Variants in PPP2CA observed in about 807,000 individuals in gnomAD.
PPP2CA encodes the protein serine/threonine-protein phosphatase 2A catalytic subunit alpha isoform.
Under a neutral mutation model 38.8 loss-of-function variants are expected in PPP2CA, and 5 were observed. That is an observed-to-expected ratio of 0.13 (90% CI 0.07 to 0.27). PPP2CA has a LOEUF of 0.27. Among genes scored for constraint, PPP2CA ranks in the 10% least tolerant of loss-of-function variants. PPP2CA has a pLI of 1.00. For missense variants in PPP2CA, 88 were observed against 389.7 expected, an observed-to-expected ratio of 0.23 and a Z score of 6.52; for synonymous variants, 152 against 134.0, an observed-to-expected ratio of 1.13 and a Z score of -0.93.
At chr5:134,217,100 C>G (rs1762337471) in intron 1 of PPP2CA, among the ~76,000 whole-genome samples, 1 of 152,078 alleles carries the variant, frequency 6.6e-6, no homozygotes, top group African/African-American at 2.4e-5. Context: ...CTGACCAACA[C>G]AGAGAAACCT....
intron 1 of PPP2CA, 48 bp downstream of exon 1, chr5:134,225,712 G>A (rs1050537306): frequency 6.4e-7 from 1 of 1,559,116 alleles, no homozygotes; most frequent in Non-Finnish European, 8.7e-7. Context: ...CCTTTTCCTC[G>A]GCGGGCTCGG....
chr5:134,210,566 G>A (rs558799251), intron 1 of PPP2CA, among the ~76,000 whole-genome samples: 36 of 152,244 alleles, frequency 2.4e-4, no homozygotes, highest in Admixed American at 2.0e-3. Flanking sequence ...AATTAGGGCC[G>A]AGCACAGTGG....
At chr5:134,212,821 G>A (rs1042677556) in intron 1 of PPP2CA, among the ~76,000 whole-genome samples, 1 of 152,152 alleles carries the variant, frequency 6.6e-6, no homozygotes, top group East Asian at 1.9e-4. Flanking sequence ...TAGTGGTCTG[G>A]ATAGATCAAA....
intron 1 of PPP2CA, among the ~76,000 whole-genome samples, chr5:134,209,200 C>T (rs1265240376): frequency 6.6e-6 from 1 of 151,970 alleles, no homozygotes; most frequent in Non-Finnish European, 1.5e-5. Context: ...CCAAACTTCA[C>T]AGACCAGAAC....
intron 2 of PPP2CA, chr5:134,203,465 G>A (rs1762010030): frequency 6.6e-6 from 1 of 152,288 alleles, no homozygotes; most frequent in East Asian, 1.9e-4. Flanking sequence ...CAAGATCAAG[G>A]TGTCAGCACA....
rs1043396292 is a variant in PPP2CA, at chr5:134,197,573, A to C, written c.*199T>G. ...AACAATGTCGCTTCAGCATGCAATGAACTGGTTCATTCTAAAGTGGTCACG... is the reference window on the plus strand; with the variant it reads ...AACAATGTCGCTTCAGCATGCAATGCACTGGTTCATTCTAAAGTGGTCACG... On this transcript the variant is annotated 3_prime_UTR_variant, in exon 7 of 7. Coordinates refer to ENST00000481195, the MANE Select transcript of PPP2CA (RefSeq NM_002715.4). 1.8e-6 allele frequency: 1 copy of C among 549,210 alleles called. No homozygotes were observed. Among genetic ancestry groups the C allele is most frequent in the Non-Finnish European group, 3.3e-6 (1 of 305,078 alleles). 34.0% of individuals were successfully genotyped at this position (549,210 alleles called of 1,614,324 possible).
intron 6 of PPP2CA, 93 bp downstream of exon 6, chr5:134,198,992 TG>T: frequency 1.0e-6 from 1 of 979,298 alleles, no homozygotes; most frequent in Non-Finnish European, 1.6e-6. Context: ...GAGACAAGAC[TG>T]GGCAATATAG....
chr5:134,198,228 A>T (rs1761895658), intron 6 of PPP2CA, among the ~76,000 whole-genome samples: 1 of 151,780 alleles, frequency 6.6e-6, no homozygotes, highest in African/African-American at 2.4e-5. Flanking sequence ...ATATCTACTA[A>T]AAAAATACAA....
At chr5:134,217,091 T>C (rs1447396183) in intron 1 of PPP2CA, among the ~76,000 whole-genome samples, 1 of 152,152 alleles carries the variant, frequency 6.6e-6, no homozygotes, top group Non-Finnish European at 1.5e-5. Flanking sequence ...AGGACCAGCC[T>C]GACCAACACA....
chr5:134,222,514 CAGCATACCTAGGTAAAG>C (rs574478451), intron 1 of PPP2CA, among the ~76,000 whole-genome samples: 176 of 151,582 alleles, frequency 1.2e-3, no homozygotes, highest in African/African-American at 4.0e-3. Flanking sequence ...CAATGGAAAA[CAGCATACCTAGGTAAAG>C]AACTTCTTTG....
chr5:134,225,503 G>A, intron 1 of PPP2CA: 2 of 416,396 alleles, frequency 4.8e-6, no homozygotes, highest in East Asian at 4.5e-5. Context: ...CTCGTCTGGC[G>A]CCAAGGCCGG....
intron 1 of PPP2CA, among the ~76,000 whole-genome samples, chr5:134,209,545 T>C (rs1222624706): frequency 6.6e-6 from 1 of 152,096 alleles, no homozygotes; most frequent in East Asian, 1.9e-4. Flanking sequence ...TTTGCGAGGC[T>C]GAGGCGAGTG....
intron 1 of PPP2CA, among the ~76,000 whole-genome samples, chr5:134,222,630 G>T (rs115503165): frequency 5.3e-4 from 80 of 152,242 alleles, no homozygotes; most frequent in African/African-American, 1.9e-3. Flanking sequence ...AAACAAAGCT[G>T]AAGTCACATA....
intron 1 of PPP2CA, among the ~76,000 whole-genome samples, chr5:134,225,070 A>T (rs1422006152): frequency 2.0e-5 from 3 of 152,230 alleles, no homozygotes; most frequent in Non-Finnish European, 4.4e-5. Context: ...AAAGCTCCTT[A>T]TGTAGTATGA....
intron 6 of PPP2CA, among the ~76,000 whole-genome samples, chr5:134,198,377 AGTGAGACTCCGTCTC>A (rs1761900427): frequency 7.0e-6 from 1 of 143,542 alleles, no homozygotes; most frequent in Non-Finnish European, 1.5e-5. Flanking sequence ...TGGGTGACAG[AGTGAGACTCCGTCTC>A]AAAAAACAAA....
chr5:134,211,103 T>G (rs1762195482), intron 1 of PPP2CA, among the ~76,000 whole-genome samples: 1 of 152,128 alleles, frequency 6.6e-6, no homozygotes, highest in Admixed American at 6.5e-5. Context: ...TAAAATCTTT[T>G]TTTTTTTTGA....
chr5:134,222,333 T>C (rs1762463325), intron 1 of PPP2CA, among the ~76,000 whole-genome samples: 1 of 152,150 alleles, frequency 6.6e-6, no homozygotes, highest in African/African-American at 2.4e-5. Flanking sequence ...CGTACACACA[T>C]ACTCACAGCA....
intron 2 of PPP2CA, 80 bp downstream of exon 2, chr5:134,205,842 G>C (rs1166214760): frequency 4.0e-6 from 5 of 1,246,700 alleles, no homozygotes. Flanking sequence ...TTCAGATAGA[G>C]AAAATAACTG....
At chr5:134,219,631 G>C (rs910992985) in intron 1 of PPP2CA, among the ~76,000 whole-genome samples, 4 of 152,138 alleles carry the variant, frequency 2.6e-5, no homozygotes, top group Admixed American at 1.3e-4. Flanking sequence ...AGATATACAC[G>C]CATCTGTGTC....
Sources: allele counts gnomAD v4.1 joint callset (sites outside exome capture counted in the v4.1 genomes callset), GRCh38; gene constraint gnomAD v4.1.1; transcripts MANE v1.5; gene names NCBI Gene and HGNC (gene_info 2026-07-23, HGNC 2026-07-21).